The following KIDINS220 variants were observed in gnomAD, a reference collection of about 807,000 sequenced individuals.
KIDINS220 encodes the protein kinase D-interacting substrate of 220 kDa.
In KIDINS220, 63 loss-of-function variants were observed where a neutral mutation model predicts 157.6. That is an observed-to-expected ratio of 0.40 (90% CI 0.33 to 0.49). KIDINS220 has a LOEUF of 0.49. Ranked by LOEUF, KIDINS220 falls within the 20% of genes least tolerant of loss-of-function variation. The pLI is 0.66. For missense variants in KIDINS220, 1,772 were observed against 2,171.2 expected (o/e 0.82, Z 3.65); for synonymous variants, 732 against 783.6 (o/e 0.93, Z 1.10).
At chr2:8,822,502 C>A (rs182106372) in intron 2 of KIDINS220, among the ~76,000 whole-genome samples, 3 of 152,182 alleles carry the variant, frequency 2.0e-5, no homozygotes, top group Admixed American at 6.5e-5. Flanking sequence ...GTAGCACACG[C>A]CTGTAGTCCT....
At chr2:8,807,943 G>GT (rs1449235678) in intron 6 of KIDINS220, among the ~76,000 whole-genome samples, 1 of 152,124 alleles carries the variant, frequency 6.6e-6, no homozygotes, top group African/African-American at 2.4e-5. Context: ...CCAACATGGT[G>GT]AAATCCTATC....
chr2:8,726,201 A>G (rs1663292091), downstream of KIDINS220, among the ~76,000 whole-genome samples: 1 of 152,102 alleles, frequency 6.6e-6, no homozygotes, highest in Admixed American at 6.5e-5. Context: ...TTCTTTTTCA[A>G]AATGCCACAC....
rs185069024 is a variant in KIDINS220, at chr2:8,834,452, C to T, written c.-37+3028G>A. Among the ~76,000 whole-genome samples the T allele has an allele frequency of 2.9e-3, 445 of 151,744 alleles. 3 individuals are homozygous for T. Among genetic ancestry groups the T allele is most frequent in the African/African-American group, 1.0e-2 (412 of 41,354 alleles). ...GTATAAATGGTGTATACCATTTATA[C>T]GTGTATAAAACAGCCCTCTCCCCCT... is the stretch of plus-strand genomic sequence containing the variant. On this transcript the variant is annotated intron_variant, in intron 1 of 29. Coordinates refer to ENST00000256707, the MANE Select transcript of KIDINS220 (RefSeq NM_020738.4).
intron 21 of KIDINS220, among the ~76,000 whole-genome samples, chr2:8,773,274 G>A (rs1670478685): frequency 6.6e-6 from 1 of 152,146 alleles, no homozygotes; most frequent in Admixed American, 6.5e-5. Flanking sequence ...TTGAAATGTG[G>A]CTTTAGGAAG....
Position 8,750,357 on chromosome 2 carries a change from C to G in KIDINS220, c.3191-22G>C, listed in dbSNP as rs778159772. 5 of 1,487,260 alleles carry G rather than the reference C, an allele frequency of 3.4e-6. No homozygotes were observed. In the Admixed American group the frequency reaches 8.1e-5, roughly 24 times the overall value. The allele number at this position is 1,487,260 out of a possible 1,614,324, so 92.1% of individuals were successfully genotyped here. On this transcript the variant is annotated intron_variant, in intron 23 of 29. Transcript: ENST00000256707. Reference sequence around the variant, plus strand: ...ACATCTGAAAGATTCAATCAGACCCCAGAAGGCAAGAGAAAACAGGACATT... The same window carrying G: ...ACATCTGAAAGATTCAATCAGACCCGAGAAGGCAAGAGAAAACAGGACATT...
chr2:8,763,751 G>A (rs1669089766), intron 22 of KIDINS220, among the ~76,000 whole-genome samples: 1 of 152,170 alleles, frequency 6.6e-6, no homozygotes, highest in Admixed American at 6.5e-5. Context: ...TCTGAAGTGA[G>A]AGGAACCTGT....
chr2:8,756,603 G>T (rs1304004031), intron 22 of KIDINS220, among the ~76,000 whole-genome samples: 1 of 152,176 alleles, frequency 6.6e-6, no homozygotes, highest in Non-Finnish European at 1.5e-5. Flanking sequence ...AGATCAAAGT[G>T]CCAGATGGTC....
Position 8,730,745 on chromosome 2 carries a change from C to G in KIDINS220, c.5291G>C (p.Gly1764Ala). Residue 1764 changes from glycine to alanine, a missense_variant, in exon 30 of 30, where the codon GGA (glycine) becomes GCA (alanine). Transcript: ENST00000256707. ...TCAAAGAATGCTTTCTCTTTCTTCT[C>G]CAAAGCCTGTGCTCTCAGAAGAGGC... ...AAASSESTGFGEERESIL is the reference protein window; with the variant it reads ...AAASSESTGFAEERESIL 2.5e-6 allele frequency: 4 copies of G among 1,613,920 alleles called. No homozygotes were observed. The highest frequency in any genetic ancestry group is 3.4e-6 in the Non-Finnish European group (4 of 1,179,962).
At chr2:8,761,366 TA>T (rs1206699148) in intron 22 of KIDINS220, among the ~76,000 whole-genome samples, 1 of 152,180 alleles carries the variant, frequency 6.6e-6, no homozygotes, top group Non-Finnish European at 1.5e-5. Flanking sequence ...ATTTAATGTT[TA>T]AAAAGTATAG....
At chr2:8,773,867 A>T (rs1670572679) in intron 21 of KIDINS220, among the ~76,000 whole-genome samples, 1 of 152,150 alleles carries the variant, frequency 6.6e-6, no homozygotes. Flanking sequence ...TCCACCCCAG[A>T]GCCTTCACAC....
At chr2:8,806,185 C>G (rs1485742941) in intron 7 of KIDINS220, 86 bp downstream of exon 7, 8 of 934,110 alleles carry the variant, frequency 8.6e-6, no homozygotes, top group Non-Finnish European at 9.8e-6. Context: ...GGAAATTTCT[C>G]TAGGCATACA....
intron 24 of KIDINS220, among the ~76,000 whole-genome samples, chr2:8,749,134 G>A (rs10175532): frequency 0.072 from 11,006 of 152,088 alleles, 1,115 homozygotes; most frequent in African/African-American, 0.23. Context: ...AACATTTCTC[G>A]GGACTCTTTA....
At chr2:8,771,977 A>AC (rs919785420) in intron 21 of KIDINS220, among the ~76,000 whole-genome samples, 2 of 152,018 alleles carry the variant, frequency 1.3e-5, no homozygotes, top group Admixed American at 1.3e-4. Context: ...AAAGAAAAAG[A>AC]CAAAAAAAAA....
chr2:8,834,778 C>A (rs1477761495), intron 1 of KIDINS220, among the ~76,000 whole-genome samples: 1 of 152,104 alleles, frequency 6.6e-6, no homozygotes, highest in Non-Finnish European at 1.5e-5. Flanking sequence ...CCCTTCAAAA[C>A]CCCCCTCGCG....
intron 6 of KIDINS220, among the ~76,000 whole-genome samples, chr2:8,809,418 C>T (rs980172601): frequency 6.6e-6 from 1 of 151,974 alleles, no homozygotes; most frequent in Middle Eastern, 3.4e-3. Flanking sequence ...ATTTTTGATT[C>T]ATTCACCACC....
intron 22 of KIDINS220, among the ~76,000 whole-genome samples, chr2:8,753,717 A>T: frequency 6.6e-6 from 1 of 152,240 alleles, no homozygotes; most frequent in East Asian, 1.9e-4. Context: ...TAATGTTAGT[A>T]ACAGTTATAT....
intron 8 of KIDINS220, among the ~76,000 whole-genome samples, chr2:8,802,391 G>A (rs1340950796): frequency 6.6e-6 from 1 of 152,150 alleles, no homozygotes; most frequent in South Asian, 2.1e-4. Flanking sequence ...GACAGATAAA[G>A]GATTTGTTTT....
intron 13 of KIDINS220, 72 bp from the exon 14 acceptor site, chr2:8,790,131 G>C: frequency 2.9e-6 from 4 of 1,373,568 alleles, no homozygotes; most frequent in Non-Finnish European, 4.0e-6. Context: ...TCAATATGCA[G>C]TTTTCACATT....
chr2:8,816,370 T>C (rs573558681), intron 4 of KIDINS220, among the ~76,000 whole-genome samples: 1 of 152,332 alleles, frequency 6.6e-6, no homozygotes, highest in East Asian at 1.9e-4. Flanking sequence ...AGGATAAAGA[T>C]TCACTTCTTC....
Sources: gnomAD v4.1 joint callset for allele counts (sites outside exome capture counted in the v4.1 genomes callset) on GRCh38, gnomAD v4.1.1 for gene constraint, MANE v1.5 for transcripts, NCBI Gene and HGNC (gene_info 2026-07-23, HGNC 2026-07-21) for gene names.